PTPRD: variants seen among roughly 807,000 people sequenced by gnomAD.
PTPRD encodes receptor-type tyrosine-protein phosphatase delta.
Under a neutral mutation model 214.5 loss-of-function variants are expected in PTPRD, and 34 were observed. The observed-to-expected ratio is 0.16, with a 90% CI of 0.12 to 0.21. The LOEUF is 0.21. Among genes scored for constraint, PTPRD ranks in the 10% least tolerant of loss-of-function variants. The pLI is 1.00. For synonymous variants in PTPRD, 1,128 were observed against 845.7 expected, an observed-to-expected ratio of 1.33 and a Z score of -5.79; for missense variants, 2,545 against 2,398.7, an observed-to-expected ratio of 1.06 and a Z score of -1.27.
intron 8 of PTPRD, among the ~76,000 whole-genome samples, chr9:9,565,143 G>A (rs1034221041): frequency 7.9e-5 from 12 of 151,608 alleles, no homozygotes; most frequent in African/African-American, 1.2e-4. Flanking sequence ...AAAAGGTTTT[G>A]TAAAGTGGAA....
chr9:10,441,460 C>T (rs1404493199), intron 2 of PTPRD, among the ~76,000 whole-genome samples: 1 of 151,614 alleles, frequency 6.6e-6, no homozygotes, highest in Non-Finnish European at 1.5e-5. Context: ...CTTTTCTTCC[C>T]TTTGACACCG....
At chr9:10,247,723 T>A (rs1157518389) in intron 3 of PTPRD, among the ~76,000 whole-genome samples, 4 of 152,102 alleles carry the variant, frequency 2.6e-5, no homozygotes. Context: ...TTGGCTGACT[T>A]CCCTGGGAGC....
At chr9:10,426,159 C>T (rs966485167) in intron 2 of PTPRD, among the ~76,000 whole-genome samples, 14 of 151,906 alleles carry the variant, frequency 9.2e-5, no homozygotes, top group African/African-American at 3.4e-4. Flanking sequence ...GTGAATATTG[C>T]TTTTCCTATT....
chr9:8,411,548 C>A (rs746367464), intron 35 of PTPRD, among the ~76,000 whole-genome samples: 1 of 152,160 alleles, frequency 6.6e-6, no homozygotes, highest in Non-Finnish European at 1.5e-5. Context: ...AAGTGATCCA[C>A]CTGCCTTGGC....
chr9:10,307,209 T>A (rs1419909503), intron 3 of PTPRD, among the ~76,000 whole-genome samples: 2 of 145,886 alleles, frequency 1.4e-5, no homozygotes, highest in South Asian at 4.7e-4. Context: ...AAATAACCTG[T>A]TTTCATCCAC....
intron 12 of PTPRD, among the ~76,000 whole-genome samples, chr9:8,716,949 T>G (rs2098443275): frequency 6.6e-6 from 1 of 152,134 alleles, no homozygotes; most frequent in Non-Finnish European, 1.5e-5. Context: ...GCAAATAGCT[T>G]AAGCCCAAGA....
At chr9:10,546,397 A>C (rs2060179969) in intron 2 of PTPRD, among the ~76,000 whole-genome samples, 1 of 152,054 alleles carries the variant, frequency 6.6e-6, no homozygotes, top group African/African-American at 2.4e-5. Flanking sequence ...AGAAAGAAGA[A>C]AGGTAATTTT....
intron 11 of PTPRD, among the ~76,000 whole-genome samples, chr9:8,894,054 A>G (rs2098574443): frequency 6.6e-6 from 1 of 152,130 alleles, no homozygotes; most frequent in Non-Finnish European, 1.5e-5. Context: ...TCAGGCAGCA[A>G]TAAGAATAAC....
intron 3 of PTPRD, among the ~76,000 whole-genome samples, chr9:10,095,374 T>C (rs1361237614): frequency 6.6e-6 from 1 of 151,516 alleles, no homozygotes; most frequent in African/African-American, 2.4e-5. Flanking sequence ...TGTTCCATAT[T>C]TTACTTCAGA....
At chr9:9,132,148 C>T (rs532173866) in intron 10 of PTPRD, among the ~76,000 whole-genome samples, 1 of 152,234 alleles carries the variant, frequency 6.6e-6, no homozygotes, top group East Asian at 1.9e-4. Flanking sequence ...GCTGGGGCTA[C>T]AGGCGCCCGC....
At chr9:9,297,376 GAA>G in intron 9 of PTPRD, among the ~76,000 whole-genome samples, 1 of 151,654 alleles carries the variant, frequency 6.6e-6, no homozygotes, top group East Asian at 1.9e-4. Context: ...TGAAAAAACA[GAA>G]AAGAGGCCAA....
intron 2 of PTPRD, among the ~76,000 whole-genome samples, chr9:10,504,541 C>G (rs1445313049): frequency 2.0e-5 from 3 of 152,066 alleles, no homozygotes; most frequent in African/African-American, 7.2e-5. Flanking sequence ...GAAGGGAGAG[C>G]CATATCAATT....
chr9:10,569,152 C>CA (rs1216963289), intron 2 of PTPRD, among the ~76,000 whole-genome samples: 8 of 151,946 alleles, frequency 5.3e-5, no homozygotes, highest in Admixed American at 4.6e-4. Flanking sequence ...TTTATGCAGC[C>CA]AAAAAACACA....
chr9:10,484,079 A>C (rs1435985004), intron 2 of PTPRD, among the ~76,000 whole-genome samples: 1 of 152,182 alleles, frequency 6.6e-6, no homozygotes, highest in Non-Finnish European at 1.5e-5. Context: ...AAACATACAC[A>C]CACACAGACA....
chr9:9,990,198 G>A (rs955928124), intron 4 of PTPRD, among the ~76,000 whole-genome samples: 1 of 152,176 alleles, frequency 6.6e-6, no homozygotes, highest in African/African-American at 2.4e-5. Context: ...AGGTCCTGGG[G>A]CAACTGAAGG....
intron 3 of PTPRD, among the ~76,000 whole-genome samples, chr9:10,149,812 C>T (rs887527264): frequency 6.6e-6 from 1 of 151,230 alleles, no homozygotes; most frequent in South Asian, 2.1e-4. Context: ...CTCCTTGCAA[C>T]CTTTGCCTCC....
chr9:9,158,658 A>T (rs1173663442), intron 10 of PTPRD, among the ~76,000 whole-genome samples: 1 of 152,082 alleles, frequency 6.6e-6, no homozygotes, highest in East Asian at 1.9e-4. Flanking sequence ...ATTTCTTCTC[A>T]AACCCTTTCA....
chr9:9,497,678 T>A (rs2096250909), intron 8 of PTPRD, among the ~76,000 whole-genome samples: 1 of 152,144 alleles, frequency 6.6e-6, no homozygotes, highest in African/African-American at 2.4e-5. Flanking sequence ...AGGAACATTA[T>A]CTCATTTATA....
intron 11 of PTPRD, among the ~76,000 whole-genome samples, chr9:8,836,797 C>T (rs1238856699): frequency 2.6e-5 from 4 of 151,486 alleles, no homozygotes; most frequent in African/African-American, 9.7e-5. Context: ...GGGGTTTCAC[C>T]ATGTTGGCCA....
Sources: gnomAD v4.1 joint callset for allele counts (sites outside exome capture counted in the v4.1 genomes callset) on GRCh38, gnomAD v4.1.1 for gene constraint, MANE v1.5 for transcripts, NCBI Gene and HGNC (gene_info 2026-07-23, HGNC 2026-07-21) for gene names.